DAZL: variants seen among roughly 807,000 people sequenced by gnomAD.
DAZL encodes the protein deleted in azoospermia-like.
Under a neutral mutation model 45.0 loss-of-function variants are expected in DAZL, and 4 were observed. The observed-to-expected ratio is 0.09, with a 90% CI of 0.04 to 0.20. The LOEUF is 0.20. Among genes scored for constraint, DAZL ranks in the 10% least tolerant of loss-of-function variants. DAZL has a pLI of 1.00. For missense variants in DAZL, 326 were observed against 351.3 expected (o/e 0.93, Z 0.58); for synonymous variants, 122 against 112.4 (o/e 1.09, Z -0.54).
At position 16,595,412 on chromosome 3, in the gene DAZL, G is replaced by A. The variant is rs1216696396; in HGVS notation, c.499-27C>T. On this transcript the variant is annotated intron_variant, in intron 6 of 10. Coordinates refer to ENST00000399444, the MANE Select transcript of DAZL (RefSeq NM_001351.4). ...TGAAAATCAAGTTTACAGAAAGAAT[G>A]AATAATATAAAACATTTTTTAAAAT... The A allele has an allele frequency of 3.0e-6, 4 of 1,330,476 alleles. No individual in the cohort carries two copies. The South Asian group carries it at 3.9e-5, about 13-fold the overall frequency. The allele number at this position is 1,330,476 out of a possible 1,614,324, so 82.4% of individuals were successfully genotyped here. A position where few individuals can be genotyped will look rare whatever the true frequency, so the allele number is the denominator to read the frequency against.
chr3:16,592,275 G>T, intron 9 of DAZL, 127 bp from the exon 10 acceptor site: 1 of 1,400,602 alleles, frequency 7.1e-7, no homozygotes, highest in Non-Finnish European at 9.9e-7. Flanking sequence ...TGCTAAAAGA[G>T]ACTGGGAGTG....
chr3:16,605,164 TCC>T (rs1559406399), intron 1 of DAZL, 37 bp downstream of exon 1: 1 of 1,613,942 alleles, frequency 6.2e-7, no homozygotes, highest in Non-Finnish European at 8.5e-7. Flanking sequence ...GAGTGAAGAC[TCC>T]GCCAGCCTTG....
chr3:16,598,742 T>TTTGA (rs1185794047), intron 1 of DAZL, 144 bp from the exon 2 acceptor site: 12 of 1,055,654 alleles, frequency 1.1e-5, no homozygotes, highest in Non-Finnish European at 1.5e-5. Flanking sequence ...GGATTTAAAC[T>TTTGA]TATCAGAGTA....
rs1197336592 is a variant in DAZL, at chr3:16,594,550, T to G, written c.604A>C (p.Ser202Arg). ...PPQWPVGEQR[S>R]YVVPPAYSAV... ...CACTTTACCGGAGGTACAACATAGC[T>G]CCTTTGCTCCCCAACAGGCCACTGT... Residue 202 changes from serine to arginine, a missense_variant, in exon 8 of 11, where the codon AGC becomes CGC. This residue lies in a region of DAZL where 227 missense variants were observed against 216.6 expected (regional missense o/e 1.05). Coordinates refer to ENST00000399444, the MANE Select transcript of DAZL (RefSeq NM_001351.4). 3.1e-6 allele frequency: 5 copies of G among 1,592,938 alleles called. No homozygotes were observed. The highest frequency in any genetic ancestry group is 4.3e-6 in the Non-Finnish European group (5 of 1,171,646).
chr3:16,604,603 A>G, intron 1 of DAZL: 1 of 1,380,768 alleles, frequency 7.2e-7, no homozygotes, highest in South Asian at 1.8e-5. Context: ...CCCACACCCC[A>G]CGCTGAGGCC....
rs1694470176 is a variant in DAZL at position 16,588,405 on chromosome 3, C to A, written c.*255G>T. ...CTTAAAATGCCAATTTTTAAAAAAT[C>A]CTTGCAGATAAATCTTAGTTTCTTT... On this transcript the variant is annotated 3_prime_UTR_variant, in exon 11 of 11. Transcript: ENST00000399444. 3.0e-6 allele frequency: 1 copy of A among 336,606 alleles called. No homozygotes were observed. The highest frequency in any genetic ancestry group is 5.6e-6 in the Non-Finnish European group (1 of 177,714). The allele number at this position is 336,606 out of a possible 1,614,324, so 20.9% of individuals were successfully genotyped here.
In DAZL at chr3:16,605,232, C is replaced by T. The variant is rs201594625; in HGVS notation, c.-27G>A. The T allele has an allele frequency of 1.1e-5, 18 of 1,614,020 alleles. No individual in the cohort carries two copies. Among genetic ancestry groups the T allele is most frequent in the Middle Eastern group, 1.6e-4 (1 of 6,078 alleles). On this transcript the variant is annotated 5_prime_UTR_variant, in exon 1 of 11. Coordinates refer to ENST00000399444, the MANE Select transcript of DAZL (RefSeq NM_001351.4). The stretch of plus-strand genomic sequence containing the variant: ...ATGGCGGCAGGCAGCAGTTCCCGAC[C>T]GGCTCCAGGAGGAGCAGAGGCTGTG...
chr3:16,594,729 T>C lies in DAZL; in HGVS notation c.571-146A>G. On this transcript the variant is annotated intron_variant, in intron 7 of 10. Transcript: ENST00000399444. ...GAAACAGAATGAAAAAAAAGTACTT[T>C]ATGTTTCTAATCCCTGATGTTCTTG... 7.3e-6 allele frequency: 4 copies of C among 550,956 alleles called. No homozygotes were observed. In the Admixed American group the frequency reaches 1.5e-4, roughly 20 times the overall value. The allele number at this position is 550,956 out of a possible 1,614,324, so 34.1% of individuals were successfully genotyped here.
intron 2 of DAZL, 127 bp downstream of exon 2, chr3:16,598,325 T>C: frequency 6.9e-7 from 1 of 1,442,324 alleles, no homozygotes; most frequent in Non-Finnish European, 9.7e-7. Flanking sequence ...TTTTAGTACC[T>C]ATGGGTCAAA....
rs1245101406 is a variant in DAZL at position 16,604,875 on chromosome 3, C to G, written c.3+328G>C. On this transcript the variant is annotated intron_variant, in intron 1 of 10. Transcript: ENST00000399444. ...AGTCGGGGGTGGGGAACCCGCACCC[C>G]AAACCTCTGCCAGTAGAGAACCCGA... The G allele has an allele frequency of 4.1e-6, 3 of 723,934 alleles. No homozygotes were observed. The Admixed American group carries it at 9.0e-5, about 22-fold the overall frequency. The allele number at this position is 723,934 out of a possible 1,614,324, so 44.8% of individuals were successfully genotyped here.
chr3:16,604,860 G>T lies in DAZL; in HGVS notation c.3+343C>A, dbSNP rs569754878. ...GGGGCGGGGTGGGGCAGTCGGGGGT[G>T]GGGAACCCGCACCCCAAACCTCTGC... On this transcript the variant is annotated intron_variant, in intron 1 of 10. Coordinates refer to ENST00000399444, the MANE Select transcript of DAZL (RefSeq NM_001351.4). The T allele has an allele frequency of 4.1e-5, 29 of 715,502 alleles. No homozygotes were observed. The African/African-American group carries it at 4.6e-4, about 11-fold the overall frequency. 44.3% of individuals were successfully genotyped at this position (715,502 alleles called of 1,614,324 possible).
At chr3:16,601,821 T>G (rs1694694041) in intron 1 of DAZL, among the ~76,000 whole-genome samples, 1 of 152,190 alleles carries the variant, frequency 6.6e-6, no homozygotes, top group African/African-American at 2.4e-5. Context: ...GCAAACATAT[T>G]CCTTGTTATA....
chr3:16,604,508 A>G, intron 1 of DAZL: 1 of 1,516,416 alleles, frequency 6.6e-7, no homozygotes, highest in Non-Finnish European at 8.8e-7. Flanking sequence ...GCCATCAGCA[A>G]GTCCCCCGCA....
At chr3:16,595,114 T>C (rs1233250663) in intron 7 of DAZL, among the ~76,000 whole-genome samples, 200 bp downstream of exon 7, 2 of 152,112 alleles carry the variant, frequency 1.3e-5, no homozygotes, top group East Asian at 1.9e-4. Context: ...AGAAAAGTTA[T>C]TGCTAAGTAT....
At chr3:16,594,478 CAA>C in intron 8 of DAZL, 53 bp downstream of exon 8, 4 of 1,280,752 alleles carry the variant, frequency 3.1e-6, no homozygotes, top group Admixed American at 2.3e-5. Flanking sequence ...TATAGTTAAA[CAA>C]AAAAAAATAC....
At chr3:16,595,978 C>G (rs758213650) in intron 6 of DAZL, among the ~76,000 whole-genome samples, 7 of 151,058 alleles carry the variant, frequency 4.6e-5, no homozygotes, top group Non-Finnish European at 8.9e-5. Flanking sequence ...TAATGACTCA[C>G]AGTAAATGTT....
intron 1 of DAZL, among the ~76,000 whole-genome samples, chr3:16,601,239 G>A (rs1694684970): frequency 6.6e-6 from 1 of 152,074 alleles, no homozygotes; most frequent in African/African-American, 2.4e-5. Context: ...AGAGTAAAAC[G>A]GATACTTGGC....
chr3:16,597,922 CATT>C (rs906079670), intron 3 of DAZL, among the ~76,000 whole-genome samples, 162 bp downstream of exon 3: 8 of 152,278 alleles, frequency 5.3e-5, no homozygotes, highest in South Asian at 4.1e-4. Flanking sequence ...CAAAAACAAA[CATT>C]AGAAAAATGA....
intron 1 of DAZL, among the ~76,000 whole-genome samples, chr3:16,599,867 A>C (rs1199618069): frequency 6.6e-6 from 1 of 152,234 alleles, no homozygotes; most frequent in Non-Finnish European, 1.5e-5. Context: ...CAAGCCACTT[A>C]CTTGCCAGCC....
Sources: allele counts gnomAD v4.1 joint callset (sites outside exome capture counted in the v4.1 genomes callset), GRCh38; gene constraint gnomAD v4.1.1; regional missense constraint gnomAD v4.1.1; transcripts MANE v1.5; gene names NCBI Gene and HGNC (gene_info 2026-07-23, HGNC 2026-07-21).